TMEM108: variants seen among roughly 807,000 people sequenced by gnomAD.
TMEM108 encodes cancer/testis antigen 124.
Under a neutral mutation model 35.1 loss-of-function variants are expected in TMEM108, and 12 were observed. That is an observed-to-expected ratio of 0.34 (90% CI 0.22 to 0.55). The LOEUF (loss-of-function observed/expected upper bound fraction) is 0.55. Among genes scored for constraint, TMEM108 ranks in the 20% least tolerant of loss-of-function variants. TMEM108 has a pLI of 0.89. For synonymous variants in TMEM108, 287 were observed against 308.6 expected, an observed-to-expected ratio of 0.93 and a Z score of 0.73; for missense variants, 680 against 753.3, an observed-to-expected ratio of 0.90 and a Z score of 1.14.
At chr3:133,083,801 G>A (rs765661308) in intron 2 of TMEM108, among the ~76,000 whole-genome samples, 12 of 152,004 alleles carry the variant, frequency 7.9e-5, no homozygotes, top group Non-Finnish European at 1.3e-4. Flanking sequence ...TAATTGGGGG[G>A]TGAAGGTGAT....
intron 2 of TMEM108, among the ~76,000 whole-genome samples, chr3:133,055,707 A>G (rs1943457922): frequency 6.6e-6 from 1 of 152,308 alleles, no homozygotes; most frequent in South Asian, 2.1e-4. Context: ...TCACTTTTCA[A>G]ACAAGCAAAG....
At chr3:133,133,016 A>C (rs1048696642) in intron 2 of TMEM108, among the ~76,000 whole-genome samples, 8 of 152,314 alleles carry the variant, frequency 5.3e-5, no homozygotes, top group African/African-American at 1.9e-4. Context: ...CTCATGATAA[A>C]ACTTGAAGGG....
chr3:133,276,474 GT>G (rs1397568107), intron 3 of TMEM108, among the ~76,000 whole-genome samples: 1 of 152,232 alleles, frequency 6.6e-6, no homozygotes, highest in African/African-American at 2.4e-5. Context: ...CAATCCTGAT[GT>G]GGGCCTTGAT....
At chr3:133,386,018 G>C (rs2073139221) in intron 4 of TMEM108, among the ~76,000 whole-genome samples, 1 of 152,216 alleles carries the variant, frequency 6.6e-6, no homozygotes. Flanking sequence ...GAGAAGGAAA[G>C]AGAATTCAGT....
chr3:133,106,920 ATTG>A (rs1210778029), intron 2 of TMEM108, among the ~76,000 whole-genome samples: 1 of 152,200 alleles, frequency 6.6e-6, no homozygotes, highest in Non-Finnish European at 1.5e-5. Context: ...ATAGACGTTT[ATTG>A]TTGTTTTGAG....
At chr3:133,320,943 T>G (rs902876374) in intron 3 of TMEM108, among the ~76,000 whole-genome samples, 1 of 152,146 alleles carries the variant, frequency 6.6e-6, no homozygotes, top group Non-Finnish European at 1.5e-5. Flanking sequence ...GAAGGAGAGA[T>G]AAAGTCTTTT....
At chr3:133,043,166 C>T (rs1218208098) in intron 1 of TMEM108, among the ~76,000 whole-genome samples, 1 of 152,146 alleles carries the variant, frequency 6.6e-6, no homozygotes, top group East Asian at 1.9e-4. Context: ...CCATGGACTC[C>T]CCAACATCTC....
chr3:133,159,967 A>G (rs905170235), intron 2 of TMEM108, among the ~76,000 whole-genome samples: 1 of 152,230 alleles, frequency 6.6e-6, no homozygotes, highest in Non-Finnish European at 1.5e-5. Context: ...TGTCACAGCA[A>G]GTAAGAATCC....
chr3:133,390,204 T>C lies in TMEM108; in HGVS notation c.1475T>C (p.Met492Thr). 1 of 1,614,094 alleles carries C rather than the reference T, an allele frequency of 6.2e-7. No homozygotes were observed. Among genetic ancestry groups the C allele is most frequent in the East Asian group, 2.2e-5 (1 of 44,886 alleles). Residue 492 changes from methionine (M) to threonine (T), a missense_variant, in exon 5 of 6, where the codon ATG becomes ACG. This residue lies in a region of TMEM108 where 105 missense variants were observed against 150.7 expected (regional missense o/e 0.70). Coordinates refer to ENST00000321871, the MANE Select transcript of TMEM108 (RefSeq NM_023943.4). ...GCTGTCCTGCTGACGGTGTGCTGCATGAAGAGGAAGAAGAAGACCGCCAAC... is the reference window on the plus strand; with the variant it reads ...GCTGTCCTGCTGACGGTGTGCTGCACGAAGAGGAAGAAGAAGACCGCCAAC... ...SCSVLLTVCC[M>T]KRKKKTANPE...
At chr3:133,305,201 C>T (rs1195533453) in intron 3 of TMEM108, among the ~76,000 whole-genome samples, 2 of 151,774 alleles carry the variant, frequency 1.3e-5, no homozygotes, top group African/African-American at 2.4e-5. Context: ...ATGATGAGTT[C>T]ATGTCCTTTG....
At chr3:133,202,801 T>G (rs1178619018) in intron 2 of TMEM108, among the ~76,000 whole-genome samples, 1 of 152,216 alleles carries the variant, frequency 6.6e-6, no homozygotes, top group Admixed American at 6.5e-5. Flanking sequence ...CATATGAAAT[T>G]TAAATTAGTT....
At chr3:133,388,710 C>A (rs2073189983) in intron 4 of TMEM108, 8 of 985,336 alleles carry the variant, frequency 8.1e-6, no homozygotes, top group Non-Finnish European at 9.6e-6. Flanking sequence ...GAGACCTTTC[C>A]AGGTTGAGAG....
chr3:133,270,895 G>A (rs77777350), intron 3 of TMEM108, among the ~76,000 whole-genome samples: 8,830 of 151,956 alleles, frequency 0.058, 275 homozygotes, highest in South Asian at 0.077. Context: ...TCAGGAAAAG[G>A]ATCATAATCT....
rs757969231 is a variant in TMEM108 at position 133,381,006 on chromosome 3, G to T, written c.1295G>T (p.Arg432Leu). ...ACAGCCACAGGCAATTTCCTCAACC[G>T]CCTGGTCCCCGCCGGGACCTGGAAG... is the stretch of plus-strand genomic sequence containing the variant. Reference protein sequence around the residue: ...VSTATGNFLNRLVPAGTWKPG... With the variant: ...VSTATGNFLNLLVPAGTWKPG... The change falls in exon 4 of 6, where the codon CGC becomes CTC. Residue 432 changes from arginine to leucine, a missense_variant. Transcript: ENST00000321871. The T allele has an allele frequency of 6.2e-7, 1 of 1,614,150 alleles. No individual in the cohort carries two copies. The highest frequency in any genetic ancestry group is 8.5e-7 in the Non-Finnish European group (1 of 1,180,020).
intron 2 of TMEM108, among the ~76,000 whole-genome samples, chr3:133,072,258 A>G (rs1037517600): frequency 7.9e-5 from 12 of 152,290 alleles, no homozygotes; most frequent in Admixed American, 4.6e-4. Context: ...TCAATGAGGT[A>G]AAAATAATGA....
chr3:133,106,337 G>T (rs769457892), intron 2 of TMEM108, among the ~76,000 whole-genome samples: 30 of 152,070 alleles, frequency 2.0e-4, no homozygotes, highest in Non-Finnish European at 1.2e-4. Flanking sequence ...ACAGATGTGG[G>T]AGCTAAGCCT....
intron 3 of TMEM108, among the ~76,000 whole-genome samples, chr3:133,308,447 A>G (rs541439802): frequency 2.0e-5 from 3 of 152,282 alleles, no homozygotes; most frequent in African/African-American, 7.2e-5. Context: ...CTGGTTATCA[A>G]AGGGAATGCT....
intron 2 of TMEM108, among the ~76,000 whole-genome samples, chr3:133,087,176 G>A (rs192850705): frequency 1.3e-5 from 2 of 152,150 alleles, no homozygotes; most frequent in East Asian, 3.9e-4. Context: ...CATGTCCTCC[G>A]ACTTTGACTC....
In TMEM108 at chr3:133,219,375, C is replaced by T. The variant is rs186610521; in HGVS notation, c.-46-9891C>T. ...TTTATGCTTTGGCCTTTATTATTTC[C>T]TTCCTTCTAACTTTGGGCTTAATTT... On this transcript the variant is annotated intron_variant, in intron 2 of 5. Coordinates refer to ENST00000321871, the MANE Select transcript of TMEM108 (RefSeq NM_023943.4). 1.7e-3 allele frequency among the ~76,000 whole-genome samples: 255 copies of T among 151,122 alleles called. 1 individual carries two copies. The highest frequency in any genetic ancestry group is 6.0e-3 in the African/African-American group (247 of 41,170).
Sources: allele counts gnomAD v4.1 joint callset (sites outside exome capture counted in the v4.1 genomes callset), GRCh38; gene constraint gnomAD v4.1.1; regional missense constraint gnomAD v4.1.1; transcripts MANE v1.5; gene names NCBI Gene and HGNC (gene_info 2026-07-23, HGNC 2026-07-21).